Variants in CCDC149 observed in about 807,000 individuals in gnomAD.
The protein encoded by CCDC149 is coiled-coil domain containing 149, also known as coiled-coil domain-containing protein 149.
A neutral mutation model predicts 59.9 loss-of-function variants in CCDC149; 45 were observed. That is an observed-to-expected ratio of 0.75 (90% confidence interval 0.59 to 0.96). The LOEUF (loss-of-function observed/expected upper bound fraction) is 0.96, where lower values mean the gene tolerates loss of function less well. CCDC149 is among the 40% of genes least tolerant of loss of function. The pLI, the probability that CCDC149 is intolerant of heterozygous loss-of-function variation, is 0.00. For synonymous variants in CCDC149, 245 were observed against 260.6 expected, an observed-to-expected ratio of 0.94 and a Z score of 0.58; for missense variants, 584 against 664.7, an observed-to-expected ratio of 0.88 and a Z score of 1.33.
intron 12 of CCDC149, among the ~76,000 whole-genome samples, chr4:24,816,201 C>T (rs796942666): frequency 7.2e-5 from 11 of 152,250 alleles, no homozygotes; most frequent in African/African-American, 2.6e-4. Flanking sequence ...GATCCTTCCG[C>T]CTCAGCCTTC....
chr4:24,966,009 G>A (rs1723785565), intron 1 of CCDC149, among the ~76,000 whole-genome samples: 1 of 152,196 alleles, frequency 6.6e-6, no homozygotes, highest in Admixed American at 6.5e-5. Context: ...CAGAGAGAGA[G>A]TAAAGCCATG....
chr4:24,923,420 G>A (rs1432295652), intron 1 of CCDC149, among the ~76,000 whole-genome samples: 4 of 152,178 alleles, frequency 2.6e-5, no homozygotes, highest in African/African-American at 9.7e-5. Flanking sequence ...GTATAGTGGG[G>A]AAGCAGATAT....
intron 4 of CCDC149, among the ~76,000 whole-genome samples, chr4:24,849,672 T>C (rs1461857582): frequency 1.3e-5 from 2 of 152,212 alleles, no homozygotes; most frequent in African/African-American, 2.4e-5. Context: ...TACCCTAAAA[T>C]ATCCAAGGCA....
At chr4:24,845,327 G>A (rs1418571660) in intron 4 of CCDC149, among the ~76,000 whole-genome samples, 1 of 152,162 alleles carries the variant, frequency 6.6e-6, no homozygotes, top group South Asian at 2.1e-4. Context: ...CACATGCGCA[G>A]AGGGCCTTCC....
intron 1 of CCDC149, among the ~76,000 whole-genome samples, chr4:24,886,702 C>T (rs928507821): frequency 3.9e-5 from 6 of 152,010 alleles, no homozygotes; most frequent in African/African-American, 1.5e-4. Flanking sequence ...AATAATAATC[C>T]TTTTACTTTA....
intron 12 of CCDC149, among the ~76,000 whole-genome samples, chr4:24,815,545 C>T (rs1382146000): frequency 6.6e-6 from 1 of 152,188 alleles, no homozygotes; most frequent in Non-Finnish European, 1.5e-5. Context: ...ATTACTTCTT[C>T]CAGGACACTT....
At chr4:24,970,463 G>C (rs749913228) in intron 1 of CCDC149, among the ~76,000 whole-genome samples, 2 of 152,142 alleles carry the variant, frequency 1.3e-5, no homozygotes. Context: ...ATGATGGGTG[G>C]GGCTGGCTAC....
Position 24,908,531 on chromosome 4 carries a change from CAAAAAAA to C in CCDC149, c.63+4279_63+4285del, listed in dbSNP as rs5856870. 6.1e-5 allele frequency among the ~76,000 whole-genome samples: 7 copies of C among 115,340 alleles called. No homozygotes were observed. The East Asian group carries it at 1.5e-3, about 25-fold the overall frequency. 75.7% of individuals were successfully genotyped at this position (115,340 alleles called of 152,430 possible). Reference sequence around the variant, plus strand: ...GCAACATAGCAAGACTCTATCTCTACAAAAAAAAAAAAAAAAAAATTGGCTGGGCATG... The same window carrying C: ...GCAACATAGCAAGACTCTATCTCTACAAAAAAAAAAAATTGGCTGGGCATG... On this transcript the variant is annotated intron_variant, in intron 1 of 12. Transcript: ENST00000635206.
At chr4:24,959,192 T>G (rs1220993926) in intron 1 of CCDC149, among the ~76,000 whole-genome samples, 1 of 152,164 alleles carries the variant, frequency 6.6e-6, no homozygotes, top group East Asian at 1.9e-4. Context: ...GCCAGGATGG[T>G]CACAATCTCC....
chr4:24,874,918 T>C (rs1277887981), intron 2 of CCDC149, among the ~76,000 whole-genome samples: 3 of 152,182 alleles, frequency 2.0e-5, no homozygotes, highest in Admixed American at 6.5e-5. Flanking sequence ...TTTTGCCATA[T>C]AAAAACCTAG....
intron 1 of CCDC149, among the ~76,000 whole-genome samples, chr4:24,919,455 T>C (rs988173162): frequency 2.6e-5 from 4 of 152,168 alleles, no homozygotes; most frequent in African/African-American, 9.7e-5. Context: ...GTTAAAATGG[T>C]AAATTTCATG....
At chr4:24,813,511 T>TAC in intron 12 of CCDC149, among the ~76,000 whole-genome samples, 2 of 143,878 alleles carry the variant, frequency 1.4e-5, no homozygotes, top group African/African-American at 5.1e-5. Context: ...TATATATATA[T>TAC]ATATATATAT....
At chr4:24,836,365 G>A (rs898775289) in intron 7 of CCDC149, 71 bp downstream of exon 7, 3 of 1,044,000 alleles carry the variant, frequency 2.9e-6, no homozygotes, top group Non-Finnish European at 4.5e-6. Flanking sequence ...GCACATAGAA[G>A]GGAATTAAAA....
intron 9 of CCDC149, among the ~76,000 whole-genome samples, chr4:24,826,646 T>C (rs1238980107): frequency 6.6e-6 from 1 of 151,962 alleles, no homozygotes; most frequent in Non-Finnish European, 1.5e-5. Context: ...GGAAGCCAAG[T>C]TGAGAGGGGT....
chr4:24,968,964 C>T (rs1392427850), intron 1 of CCDC149, among the ~76,000 whole-genome samples: 1 of 152,192 alleles, frequency 6.6e-6, no homozygotes, highest in Non-Finnish European at 1.5e-5. Context: ...CCACCACTGG[C>T]AATGATGAGG....
chr4:24,913,099 C>G (rs997043710), upstream of CCDC149: 2 of 154,728 alleles, frequency 1.3e-5, no homozygotes, highest in African/African-American at 4.8e-5. Context: ...CAGCCCGGGC[C>G]GCAGCCGAGC....
intron 1 of CCDC149, among the ~76,000 whole-genome samples, chr4:24,960,528 T>C (rs1292163490): frequency 6.6e-6 from 1 of 152,174 alleles, no homozygotes; most frequent in African/African-American, 2.4e-5. Flanking sequence ...ACATTTAATA[T>C]AGACACAAAT....
intron 1 of CCDC149, among the ~76,000 whole-genome samples, chr4:24,952,561 A>C (rs1723323063): frequency 7.5e-6 from 1 of 132,846 alleles, no homozygotes; most frequent in Non-Finnish European, 1.6e-5. Flanking sequence ...ACACTACTGC[A>C]CTCCAGCCTG....
intron 1 of CCDC149, among the ~76,000 whole-genome samples, chr4:24,887,882 T>C (rs1412264199): frequency 1.0e-3 from 154 of 151,864 alleles, no homozygotes; most frequent in Non-Finnish European, 1.3e-4. Context: ...AACCCACCTC[T>C]CCAACTTCAT....
Sources: gnomAD v4.1 joint callset for allele counts (sites outside exome capture counted in the v4.1 genomes callset) on GRCh38, gnomAD v4.1.1 for gene constraint, MANE v1.5 for transcripts, NCBI Gene and HGNC (gene_info 2026-07-23, HGNC 2026-07-21) for gene names.